Variants in ADNP observed in about 807,000 individuals in gnomAD.
ADNP encodes the protein activity-dependent neuroprotector homeobox protein.
ADNP carries 4 observed loss-of-function variants against 84.9 expected under a neutral mutation model. That is an observed-to-expected ratio of 0.05 (90% confidence interval 0.02 to 0.11). The LOEUF is 0.11. ADNP is among the 10% of genes least tolerant of loss of function. The pLI is 1.00. For synonymous variants in ADNP, 554 were observed against 468.1 expected (o/e 1.18, Z -2.37); for missense variants, 1,132 against 1,326.0 (o/e 0.85, Z 2.27).
intron 2 of ADNP, among the ~76,000 whole-genome samples, chr20:50,919,260 G>A (rs1431746154): frequency 7.3e-6 from 1 of 136,202 alleles, no homozygotes; most frequent in African/African-American, 3.1e-5. Context: ...AAGAGTTCAA[G>A]ACCAGCCTGA....
chr20:50,891,213 G>A lies in ADNP; in HGVS notation c.*192C>T. ...TCACATTTAGTTACCGTGTCTGTCA[G>A]AGAAGGTTCTGAAGCAAGAACAGCC... On this transcript the variant is annotated 3_prime_UTR_variant, in exon 6 of 6. Transcript: ENST00000621696. 3 of 1,334,652 alleles carry A rather than the reference G, an allele frequency of 2.2e-6. No individual in the cohort carries two copies. Among genetic ancestry groups the A allele is most frequent in the Non-Finnish European group, 2.9e-6 (3 of 1,048,486 alleles). 82.7% of individuals were successfully genotyped at this position (1,334,652 alleles called of 1,614,324 possible).
At chr20:50,928,470 A>G (rs991850512) in intron 2 of ADNP, among the ~76,000 whole-genome samples, 181 bp downstream of exon 2, 1 of 152,238 alleles carries the variant, frequency 6.6e-6, no homozygotes, top group Non-Finnish European at 1.5e-5. Flanking sequence ...AAAAGCTGTA[A>G]GTAATTTCTT....
intron 2 of ADNP, among the ~76,000 whole-genome samples, chr20:50,927,270 T>C (rs1175703157): frequency 6.6e-6 from 1 of 152,064 alleles, no homozygotes; most frequent in East Asian, 1.9e-4. Context: ...ACTTCCAAGG[T>C]TGGAAGGGCC....
intron 5 of ADNP, among the ~76,000 whole-genome samples, chr20:50,895,995 C>T (rs1446046978): frequency 1.3e-5 from 2 of 152,132 alleles, no homozygotes; most frequent in Non-Finnish European, 2.9e-5. Context: ...GAGGCCCAGG[C>T]GGGTGGATCA....
chr20:50,897,078 C>CA (rs1247943041), intron 5 of ADNP, among the ~76,000 whole-genome samples: 4 of 152,142 alleles, frequency 2.6e-5, no homozygotes, highest in African/African-American at 9.7e-5. Context: ...GCTGGGATTA[C>CA]AGGCGCCCCA....
intron 2 of ADNP, among the ~76,000 whole-genome samples, chr20:50,909,983 A>G (rs1213488573): frequency 6.6e-6 from 1 of 152,200 alleles, no homozygotes; most frequent in East Asian, 1.9e-4. Flanking sequence ...GCCTTTTCCA[A>G]TATATAAACA....
At chr20:50,922,834 A>G (rs145340853) in intron 2 of ADNP, among the ~76,000 whole-genome samples, 288 of 152,128 alleles carry the variant, frequency 1.9e-3, no homozygotes, top group African/African-American at 6.7e-3. Context: ...GCTCGCCCCC[A>G]GCCTCCCAAA....
intron 1 of ADNP, among the ~76,000 whole-genome samples, chr20:50,929,263 G>C (rs1322244893): frequency 6.6e-6 from 1 of 152,234 alleles, no homozygotes; most frequent in Non-Finnish European, 1.5e-5. Context: ...GAACTCCAGA[G>C]GAAGGGAATC....
intron 5 of ADNP, among the ~76,000 whole-genome samples, chr20:50,894,768 G>A (rs1193452682): frequency 6.6e-6 from 1 of 151,956 alleles, no homozygotes; most frequent in Non-Finnish European, 1.5e-5. Flanking sequence ...GTGGTGGTGG[G>A]CGCCTGTAAT....
Position 50,894,064 on chromosome 20 carries a change from TCTC to T in ADNP, c.647_649del (p.Arg216_Glu217delinsGln), listed in dbSNP as rs1321154278. On this transcript the variant is annotated inframe_deletion, in exon 6 of 6. Transcript: ENST00000621696. Reference sequence around the variant, plus strand: ...TCGCTTGCAGTGAATACTACTCTCTTCTCGGGCATTCGAGCCTAAGGGGACTGC... The same window carrying T: ...TCGCTTGCAGTGAATACTACTCTCTTGGGCATTCGAGCCTAAGGGGACTGC... 1 of 1,614,218 alleles carries T rather than the reference TCTC, an allele frequency of 6.2e-7. No individual in the cohort carries two copies. The highest frequency in any genetic ancestry group is 1.7e-5 in the Admixed American group (1 of 60,030).
At chr20:50,900,486 T>C (rs147769248) in intron 5 of ADNP, among the ~76,000 whole-genome samples, 72 of 152,360 alleles carry the variant, frequency 4.7e-4, no homozygotes, top group African/African-American at 1.7e-3. Context: ...GTGCTATACT[T>C]CTATGACTGG....
chr20:50,908,164 T>C (rs1009035784), intron 2 of ADNP, among the ~76,000 whole-genome samples: 38 of 151,196 alleles, frequency 2.5e-4, no homozygotes, highest in Non-Finnish European at 4.4e-4. Flanking sequence ...TTTTTTTTTT[T>C]TTTGCTTTAA....
chr20:50,893,686 A>C lies in ADNP; in HGVS notation c.1028T>G (p.Val343Gly). The C allele has an allele frequency of 6.2e-7, 1 of 1,614,106 alleles. No individual in the cohort carries two copies. Among genetic ancestry groups the C allele is most frequent in the Non-Finnish European group, 8.5e-7 (1 of 1,180,024 alleles). ...TAGACCCAGTCTCATTGACTGACCA[A>C]CACTGTAACCCTGGCCTACAGATTT... The part of the protein sequence containing the change: ...GVKSVGQGYS[V>G]GQSMRLGLGG... Residue 343 changes from valine to glycine, a missense_variant, in exon 6 of 6, where the codon GTT becomes GGT. By Grantham distance (109) the Val-to-Gly change is moderately radical. Transcript: ENST00000621696. The surrounding 1 kb of genome is among the most constrained non-coding windows in gnomAD (Gnocchi z 4.4).
At position 50,893,898 on chromosome 20, in the gene ADNP, A is replaced by G; in HGVS notation, c.816T>C (p.Ala272=). The G allele has an allele frequency of 1.9e-6, 3 of 1,614,124 alleles. No homozygotes were observed. Among genetic ancestry groups the G allele is most frequent in the African/African-American group, 1.3e-5 (1 of 75,016 alleles). ...VPRSKPLMLI[A]PKPQDKKSMG... The stretch of plus-strand genomic sequence containing the variant: ...TGCTCTTCTTGTCTTGAGGTTTGGG[A>G]GCAATTAGCATCAAGGGTTTGGATC... Residue 272 remains alanine (A), a synonymous_variant, in exon 6 of 6, where the codon GCT becomes GCC. Coordinates refer to ENST00000621696, the MANE Select transcript of ADNP (RefSeq NM_001282531.3). The surrounding 1 kb of genome is among the most constrained non-coding windows in gnomAD (Gnocchi z 4.4).
chr20:50,914,058 T>A (rs1207478740), intron 2 of ADNP: 4 of 744,274 alleles, frequency 5.4e-6, no homozygotes, highest in Admixed American at 1.9e-5. Context: ...CTCCCCTACA[T>A]CATGCAGCTT....
In ADNP at chr20:50,889,805, T is replaced by TA. The variant is rs1458490028; in HGVS notation, c.*1599dup. 1 of 398,470 alleles carries TA rather than the reference T, an allele frequency of 2.5e-6. No individual in the cohort carries two copies. The highest frequency in any genetic ancestry group is 4.4e-6 in the Non-Finnish European group (1 of 225,974). The allele number at this position is 398,470 out of a possible 1,614,324, so 24.7% of individuals were successfully genotyped here. A position where few individuals can be genotyped will look rare whatever the true frequency, so the allele number is the denominator to read the frequency against. ...CTTGGGAATCTACGCATGGTAAAAA[T>TA]ACCAGCTCCTTCCATCTTTACAGCC... is the stretch of plus-strand genomic sequence containing the variant. On this transcript the variant is annotated 3_prime_UTR_variant, in exon 6 of 6. Transcript: ENST00000621696.
At chr20:50,910,231 A>C (rs919962144) in intron 2 of ADNP, among the ~76,000 whole-genome samples, 2 of 152,208 alleles carry the variant, frequency 1.3e-5, no homozygotes, top group African/African-American at 4.8e-5. Flanking sequence ...AAAAACAAAA[A>C]ACACTATATG....
chr20:50,917,154 C>G (rs1440712881), intron 2 of ADNP, among the ~76,000 whole-genome samples: 1 of 152,212 alleles, frequency 6.6e-6, no homozygotes, highest in African/African-American at 2.4e-5. Flanking sequence ...CAAACTCTAT[C>G]TTTGGCATTC....
chr20:50,892,603 G>A lies in ADNP; in HGVS notation c.2111C>T (p.Ser704Phe), dbSNP rs1288855336. Reference sequence around the variant, plus strand: ...CAGACTTGGAGACTGATTAAGCCGAGAGGGTGCATTTGTCTTATCCTGGCC... The same window carrying A: ...CAGACTTGGAGACTGATTAAGCCGAAAGGGTGCATTTGTCTTATCCTGGCC... ...QNGQDKTNAP[S>F]RLNQSPSLAP... The change falls in exon 6 of 6, where the codon TCT (serine) becomes TTT (phenylalanine). Residue 704 changes from serine to phenylalanine, a missense_variant. Physicochemically the swap from Ser to Phe is radical, Grantham distance 155. Transcript: ENST00000621696. 6.2e-7 allele frequency: 1 copy of A among 1,614,216 alleles called. No homozygotes were observed. Among genetic ancestry groups the A allele is most frequent in the Non-Finnish European group, 8.5e-7 (1 of 1,180,050 alleles).
Sources: gnomAD v4.1 joint callset for allele counts (sites outside exome capture counted in the v4.1 genomes callset) on GRCh38, gnomAD v4.1.1 for gene constraint, Gnocchi (gnomAD v3.1) non-coding constraint, MANE v1.5 for transcripts, NCBI Gene and HGNC (gene_info 2026-07-23, HGNC 2026-07-21) for gene names.